PPP6R3: variants seen among roughly 807,000 people sequenced by gnomAD.
PPP6R3 encodes protein phosphatase 6 regulatory subunit 3.
PPP6R3 carries 38 observed loss-of-function variants against 110.7 expected under a neutral mutation model. The ratio of observed to expected loss-of-function variants is 0.34; its 90% CI spans 0.26 to 0.45. PPP6R3 has a LOEUF of 0.45. Ranked by LOEUF, PPP6R3 falls within the 20% of genes least tolerant of loss-of-function variation. PPP6R3 has a pLI of 1.00. For synonymous variants in PPP6R3, 369 were observed against 373.5 expected (o/e 0.99, Z 0.14); for missense variants, 870 against 1,062.4 (o/e 0.82, Z 2.52).
intron 22 of PPP6R3, among the ~76,000 whole-genome samples, chr11:68,606,886 C>T (rs553805731): frequency 1.3e-5 from 2 of 152,252 alleles, no homozygotes; most frequent in South Asian, 4.2e-4. Flanking sequence ...AATAAGAATT[C>T]AGTAAAGCTA....
chr11:68,560,982 C>T (rs948752050), intron 8 of PPP6R3, among the ~76,000 whole-genome samples: 10 of 150,744 alleles, frequency 6.6e-5, no homozygotes, highest in African/African-American at 1.2e-4. Flanking sequence ...CTGCAAGCTC[C>T]GCCTCCTGGG....
intron 1 of PPP6R3, among the ~76,000 whole-genome samples, chr11:68,499,499 T>G (rs1248970478): frequency 6.6e-6 from 1 of 152,204 alleles, no homozygotes; most frequent in Non-Finnish European, 1.5e-5. Flanking sequence ...GCTATCATTT[T>G]TGTGACCTAG....
intron 2 of PPP6R3, among the ~76,000 whole-genome samples, chr11:68,532,442 T>A (rs2099246334): frequency 6.6e-6 from 1 of 152,218 alleles, no homozygotes; most frequent in African/African-American, 2.4e-5. Flanking sequence ...TTCAAACTAC[T>A]TAATCCAACT....
intron 1 of PPP6R3, among the ~76,000 whole-genome samples, chr11:68,510,054 CTTT>C (rs372113258): frequency 1.3e-5 from 1 of 76,968 alleles, no homozygotes; most frequent in Non-Finnish European, 2.2e-5. Context: ...TGTGCTCGGC[CTTT>C]TTTTTTTTTT....
rs1299265143 is a variant in PPP6R3, at chr11:68,584,120, TTC to T, written c.1632+995_1632+996del. On this transcript the variant is annotated intron_variant, in intron 15 of 23. Transcript: ENST00000393800. ...AGTAGCATTTCAGCATTTGGCTGAC[TTC>T]TCTGTTGATTCTTGACACTTCTGCC... Among the ~76,000 whole-genome samples, 13 of 152,362 alleles carry T rather than the reference TTC, an allele frequency of 8.5e-5. No homozygotes were observed. The South Asian group carries it at 1.9e-3, about 22-fold the overall frequency.
In PPP6R3 at chr11:68,497,519, A is replaced by T. The variant is rs374065549; in HGVS notation, c.-157-21982A>T. ...AGACGTATGCTACCACGCCTGACTG[A>T]TTTTTTTGTATTTTTTGTAGAAACG... is the stretch of plus-strand genomic sequence containing the variant. On this transcript the variant is annotated intron_variant, in intron 1 of 23. Transcript: ENST00000393800. Among the ~76,000 whole-genome samples the T allele has an allele frequency of 4.0e-5, 6 of 151,060 alleles. No homozygotes were observed. The East Asian group carries it at 1.2e-3, about 30-fold the overall frequency.
At chr11:68,478,641 T>G (rs1011131182) in intron 1 of PPP6R3, among the ~76,000 whole-genome samples, 11 of 134,398 alleles carry the variant, frequency 8.2e-5, no homozygotes, top group Non-Finnish European at 9.4e-5. Context: ...TTAGTGCACT[T>G]GGTAAGTTTT....
chr11:68,564,244 T>A, intron 8 of PPP6R3, 59 bp from the exon 9 acceptor site: 1 of 1,495,926 alleles, frequency 6.7e-7, no homozygotes, highest in Non-Finnish European at 9.1e-7. Context: ...ACATGGTCGA[T>A]AACCTTGAAT....
In PPP6R3 at chr11:68,558,567, C is replaced by G; in HGVS notation, c.733C>G (p.Gln245Glu). 6.2e-7 allele frequency: 1 copy of G among 1,604,214 alleles called. No homozygotes were observed. The highest frequency in any genetic ancestry group is 1.3e-5 in the African/African-American group (1 of 74,688). Residue 245 changes from glutamine to glutamate, a missense_variant and splice_region_variant, in exon 8 of 24, where the codon CAA (glutamine) becomes GAA (glutamate). Gln to Glu is a conservative substitution (Grantham distance 29). Coordinates refer to ENST00000393800, the MANE Select transcript of PPP6R3 (RefSeq NM_001164161.2). ...PDPLLATLEK[Q>E]EIIEQLLSNI... ...GTGATTATTGATTTGTTTCCCTAGG[C>G]AAGAAATTATAGAGCAGCTTCTATC... is the stretch of plus-strand genomic sequence containing the variant.
chr11:68,470,243 G>A (rs1008778849), intron 1 of PPP6R3, among the ~76,000 whole-genome samples: 6 of 152,194 alleles, frequency 3.9e-5, no homozygotes, highest in Non-Finnish European at 8.8e-5. Flanking sequence ...TGGGGTGTGG[G>A]GGAGTGCTTG....
At chr11:68,476,206 A>G (rs1283377558) in intron 1 of PPP6R3, among the ~76,000 whole-genome samples, 1 of 152,238 alleles carries the variant, frequency 6.6e-6, no homozygotes, top group Admixed American at 6.5e-5. Context: ...TCCGTCTGCA[A>G]TTCCGGCACC....
At chr11:68,563,302 C>G (rs1414013027) in intron 8 of PPP6R3, among the ~76,000 whole-genome samples, 1 of 152,198 alleles carries the variant, frequency 6.6e-6, no homozygotes, top group Non-Finnish European at 1.5e-5. Context: ...CTAAGGCATT[C>G]CTCTTCCAGC....
intron 1 of PPP6R3, among the ~76,000 whole-genome samples, chr11:68,473,645 G>A (rs2098808071): frequency 6.6e-6 from 1 of 152,130 alleles, no homozygotes; most frequent in African/African-American, 2.4e-5. Context: ...TCACCCTGTG[G>A]GATCTGACTC....
At chr11:68,530,529 T>C (rs1042703218) in intron 2 of PPP6R3, among the ~76,000 whole-genome samples, 7 of 152,230 alleles carry the variant, frequency 4.6e-5, no homozygotes, top group Non-Finnish European at 8.8e-5. Context: ...AGAAATATCT[T>C]ATGTGTGTTT....
At chr11:68,612,453 G>T (rs954704241) in intron 23 of PPP6R3, among the ~76,000 whole-genome samples, 10 of 152,134 alleles carry the variant, frequency 6.6e-5, no homozygotes, top group African/African-American at 2.4e-4. Flanking sequence ...ATATATTCAG[G>T]TTGTAATTTT....
intron 1 of PPP6R3, among the ~76,000 whole-genome samples, chr11:68,499,923 G>C (rs746605591): frequency 6.6e-6 from 1 of 152,100 alleles, no homozygotes; most frequent in Non-Finnish European, 1.5e-5. Context: ...TTTTGGACAG[G>C]CATCTCTTGT....
rs2099521916 is a variant in PPP6R3, at chr11:68,574,314, A to G, written c.1459+90A>G. The G allele has an allele frequency of 3.0e-6, 3 of 996,318 alleles. No homozygotes were observed. The East Asian group carries it at 7.7e-5, about 25-fold the overall frequency. The allele number at this position is 996,318 out of a possible 1,614,324, so 61.7% of individuals were successfully genotyped here. ...TAGAAATGCATGTAGCATTTTTAAT[A>G]GTGATTTGTGGGACTTCTTTATATT... On this transcript the variant is annotated intron_variant, in intron 13 of 23. Coordinates refer to ENST00000393800, the MANE Select transcript of PPP6R3 (RefSeq NM_001164161.2).
intron 1 of PPP6R3, among the ~76,000 whole-genome samples, chr11:68,464,788 T>C (rs371182232): frequency 6.6e-6 from 1 of 152,196 alleles, no homozygotes; most frequent in African/African-American, 2.4e-5. Context: ...GCTTCTGTGC[T>C]GAATAATCTT....
chr11:68,594,574 A>G (rs2099607746), intron 18 of PPP6R3, among the ~76,000 whole-genome samples: 1 of 152,236 alleles, frequency 6.6e-6, no homozygotes, highest in African/African-American at 2.4e-5. Flanking sequence ...TGAAAAGCCT[A>G]AAGCATAGCT....
Sources: allele counts gnomAD v4.1 joint callset (sites outside exome capture counted in the v4.1 genomes callset), GRCh38; gene constraint gnomAD v4.1.1; transcripts MANE v1.5; gene names NCBI Gene and HGNC (gene_info 2026-07-23, HGNC 2026-07-21).